Variants in ODAD2 observed in about 807,000 individuals in gnomAD.
ODAD2 encodes outer dynein arm docking complex subunit 2.
ODAD2 carries 89 observed loss-of-function variants against 106.8 expected under a neutral mutation model. The ratio of observed to expected loss-of-function variants is 0.83; its 90% CI spans 0.70 to 0.99. The LOEUF (loss-of-function observed/expected upper bound fraction) is 0.99, where lower values mean the gene tolerates loss of function less well. ODAD2 is among the 50% of genes least tolerant of loss of function. The probability of loss-of-function intolerance (pLI) is 0.00; values close to 1 mark genes in which losing one functional copy is unlikely to be tolerated. For synonymous variants in ODAD2, 404 were observed against 436.2 expected (o/e 0.93, Z 0.92); for missense variants, 1,168 against 1,238.5 (o/e 0.94, Z 0.85).
Position 27,995,160 on chromosome 10 carries a change from G to A in ODAD2, c.-18C>T. On this transcript the variant is annotated 5_prime_UTR_variant, in exon 2 of 20. Transcript: ENST00000305242. ...ACACCCATGGGATCCACCGTGCTCAGACCTGAGCTTAGCACACGCACTACA... is the reference window on the plus strand; with the variant it reads ...ACACCCATGGGATCCACCGTGCTCAAACCTGAGCTTAGCACACGCACTACA... The A allele has an allele frequency of 1.2e-6, 2 of 1,613,946 alleles. No individual in the cohort carries two copies. The highest frequency in any genetic ancestry group is 1.7e-5 in the Admixed American group (1 of 59,984).
intron 19 of ODAD2, among the ~76,000 whole-genome samples, chr10:27,815,710 T>C (rs541596358): frequency 6.6e-6 from 1 of 152,316 alleles, no homozygotes; most frequent in East Asian, 1.9e-4. Context: ...CAAAAATTGT[T>C]AGAGTTCATC....
chr10:27,875,190 T>A, intron 17 of ODAD2, among the ~76,000 whole-genome samples: 1 of 152,248 alleles, frequency 6.6e-6, no homozygotes, highest in East Asian at 1.9e-4. Context: ...TCTTGTGCCA[T>A]GGTTTTCAGC....
rs71489604 is a variant in ODAD2, at chr10:27,969,105, G to A, written c.1143-87C>T. The A allele has an allele frequency of 0.27, 145,847 of 549,510 alleles. 17,949 individuals carry two copies. Among genetic ancestry groups the A allele is most frequent in the East Asian group, 0.41 (11,040 of 26,810 alleles). 34.0% of individuals were successfully genotyped at this position (549,510 alleles called of 1,614,324 possible). On this transcript the variant is annotated intron_variant, in intron 8 of 19. Transcript: ENST00000305242. The stretch of plus-strand genomic sequence containing the variant: ...AGATGGCAATGTAGATATATACTCC[G>A]TTATTTCCATGTGCTCAAATGATGC...
chr10:27,950,917 T>C lies in ODAD2; in HGVS notation c.1387-5955A>G, dbSNP rs73606013. Among the ~76,000 whole-genome samples, 457 of 152,272 alleles carry C rather than the reference T, an allele frequency of 3.0e-3. 5 individuals carry two copies. Among genetic ancestry groups the C allele is most frequent in the African/African-American group, 0.011 (444 of 41,544 alleles). ...TTATGATAATTAATTAAAAAATAGT[T>C]CAATAAAGTGGACACAAGAGCAGCA... On this transcript the variant is annotated intron_variant, in intron 10 of 19. Coordinates refer to ENST00000305242, the MANE Select transcript of ODAD2 (RefSeq NM_018076.5).
intron 17 of ODAD2, among the ~76,000 whole-genome samples, chr10:27,899,666 T>C (rs1253328515): frequency 1.3e-5 from 2 of 152,110 alleles, no homozygotes; most frequent in East Asian, 1.9e-4. Flanking sequence ...GAGTAGGTGG[T>C]TTTCCCCTCA....
At chr10:27,936,330 T>C (rs57483828) in intron 15 of ODAD2, among the ~76,000 whole-genome samples, 24,429 of 152,222 alleles carry the variant, frequency 0.16, 2,976 homozygotes, top group African/African-American at 0.34. Flanking sequence ...TGACATTTAG[T>C]TGATTCATCT....
intron 17 of ODAD2, among the ~76,000 whole-genome samples, chr10:27,876,242 GCCT>G (rs1462604217): frequency 6.6e-6 from 1 of 152,160 alleles, no homozygotes; most frequent in Non-Finnish European, 1.5e-5. Context: ...CGGACAGACT[GCCT>G]CCTCAAGTGG....
At chr10:27,976,217 T>C (rs2133046302) in intron 7 of ODAD2, among the ~76,000 whole-genome samples, 1 of 152,222 alleles carries the variant, frequency 6.6e-6, no homozygotes, top group East Asian at 1.9e-4. Context: ...CTATTCAATT[T>C]TTTACTGGTG....
At chr10:27,957,609 G>A (rs1296980461) in intron 10 of ODAD2, 1 of 152,172 alleles carries the variant, frequency 6.6e-6, no homozygotes, top group African/African-American at 2.4e-5. Flanking sequence ...AAGCTGGAAG[G>A]TTGGTGAGTA....
chr10:27,938,158 C>T (rs1846127706), intron 14 of ODAD2, among the ~76,000 whole-genome samples: 2 of 151,908 alleles, frequency 1.3e-5, no homozygotes, highest in Admixed American at 1.3e-4. Context: ...AGGCTGGTCT[C>T]GAACTCCTGA....
intron 10 of ODAD2, among the ~76,000 whole-genome samples, chr10:27,959,173 A>AGAGGG (rs1847932035): frequency 1.0e-5 from 1 of 97,032 alleles, no homozygotes; most frequent in African/African-American, 4.2e-5. Context: ...AGAGGAGAGG[A>AGAGGG]GAGGGGAGGG....
intron 7 of ODAD2, among the ~76,000 whole-genome samples, chr10:27,977,610 C>T (rs1849279306): frequency 6.6e-6 from 1 of 151,504 alleles, no homozygotes; most frequent in Non-Finnish European, 1.5e-5. Flanking sequence ...AATACAAGAC[C>T]CAGATTGGGA....
intron 19 of ODAD2, among the ~76,000 whole-genome samples, chr10:27,831,294 C>T (rs1837458679): frequency 6.6e-6 from 1 of 152,094 alleles, no homozygotes; most frequent in African/African-American, 2.4e-5. Context: ...TAAATCTGTA[C>T]ATTTTTTCAT....
At chr10:27,924,048 GAGAA>G (rs373693559) in intron 16 of ODAD2, among the ~76,000 whole-genome samples, 2,822 of 126,858 alleles carry the variant, frequency 0.022, 96 homozygotes, top group Middle Eastern at 0.042. Flanking sequence ...AAGAAGGAAA[GAGAA>G]AGAAAGAAAG....
In ODAD2 at chr10:27,824,133, C is replaced by T. The variant is rs1168198825; in HGVS notation, c.3022-11508G>A. On this transcript the variant is annotated intron_variant, in intron 19 of 19. Transcript: ENST00000305242. ...TCCAGCCTGGGCGACAGCGAGACTC[C>T]GTCTCAAAAAAAAAAAAAAAAAAAA... 6.4e-4 allele frequency among the ~76,000 whole-genome samples: 54 copies of T among 83,906 alleles called. 2 individuals are homozygous for T. Among genetic ancestry groups the T allele is most frequent in the Non-Finnish European group, 7.1e-4 (37 of 52,238 alleles). 55.0% of individuals were successfully genotyped at this position (83,906 alleles called of 152,430 possible).
At chr10:27,905,600 TA>T (rs1843531076) in intron 17 of ODAD2, among the ~76,000 whole-genome samples, 2 of 152,208 alleles carry the variant, frequency 1.3e-5, no homozygotes, top group Non-Finnish European at 2.9e-5. Context: ...GGCATCACAC[TA>T]CCTGACTTCA....
In ODAD2 at chr10:27,860,768, C is replaced by A. The variant is rs752631264; in HGVS notation, c.2878G>T (p.Gly960Cys). 4.3e-6 allele frequency: 7 copies of A among 1,614,102 alleles called. No homozygotes were observed. Among genetic ancestry groups the A allele is most frequent in the Non-Finnish European group, 5.9e-6 (7 of 1,180,008 alleles). ...AGTGGAGCCACTGCTTTGTGCTCACCGAAGGCCACTCTATTCCTGCCCCAC... is the reference window on the plus strand; with the variant it reads ...AGTGGAGCCACTGCTTTGTGCTCACAGAAGGCCACTCTATTCCTGCCCCAC... ...CMWGRNRVAFGEHKAVAPLVR... is the reference protein window; with the variant it reads ...CMWGRNRVAFCEHKAVAPLVR... The change falls in exon 19 of 20, where the codon GGT becomes TGT. Residue 960 changes from glycine to cysteine, a missense_variant. Physicochemically the swap from Gly to Cys is radical, Grantham distance 159. This residue lies in a region of ODAD2 where 701 missense variants were observed against 712.3 expected (regional missense o/e 0.98). Transcript: ENST00000305242.
intron 6 of ODAD2, among the ~76,000 whole-genome samples, chr10:27,983,079 C>G (rs1849662371): frequency 6.6e-6 from 1 of 152,206 alleles, no homozygotes; most frequent in Non-Finnish European, 1.5e-5. Context: ...AGAGTCACCC[C>G]AGCAACGGCC....
chr10:27,883,239 A>G (rs1189830633), intron 17 of ODAD2, among the ~76,000 whole-genome samples: 1 of 152,084 alleles, frequency 6.6e-6, no homozygotes, highest in Non-Finnish European at 1.5e-5. Flanking sequence ...CAGACTTAAG[A>G]GTGCAAGGCA....
Sources: allele counts gnomAD v4.1 joint callset (sites outside exome capture counted in the v4.1 genomes callset), GRCh38; gene constraint gnomAD v4.1.1; regional missense constraint gnomAD v4.1.1; transcripts MANE v1.5; gene names NCBI Gene and HGNC (gene_info 2026-07-23, HGNC 2026-07-21).